Variants in LRFN2 observed in about 807,000 individuals in gnomAD.
LRFN2 encodes leucine rich repeat and fibronectin type III domain containing 2.
LRFN2 carries 18 observed loss-of-function variants against 37.3 expected under a neutral mutation model. The observed-to-expected ratio is 0.48, with a 90% CI of 0.33 to 0.72. LRFN2 has a LOEUF of 0.72. LRFN2 is among the 30% of genes least tolerant of loss of function. The pLI is 0.02. For synonymous variants in LRFN2, 556 were observed against 466.6 expected, an observed-to-expected ratio of 1.19 and a Z score of -2.47; for missense variants, 1,006 against 1,060.7, an observed-to-expected ratio of 0.95 and a Z score of 0.72.
At chr6:40,573,773 T>C (rs904411440) in intron 1 of LRFN2, among the ~76,000 whole-genome samples, 4 of 152,086 alleles carry the variant, frequency 2.6e-5, no homozygotes, top group Admixed American at 1.3e-4. Context: ...AGGTCATGAG[T>C]TCGAGACCAG....
chr6:40,455,227 T>TG (rs1428171496), intron 1 of LRFN2, among the ~76,000 whole-genome samples: 2 of 152,244 alleles, frequency 1.3e-5, no homozygotes, highest in Non-Finnish European at 2.9e-5. Flanking sequence ...TAGCTTTCTG[T>TG]CACTCCTCAA....
At chr6:40,563,083 C>T (rs1767029800) in intron 1 of LRFN2, among the ~76,000 whole-genome samples, 1 of 152,118 alleles carries the variant, frequency 6.6e-6, no homozygotes, top group Non-Finnish European at 1.5e-5. Context: ...TCAGCCTTAC[C>T]CATGTCTTCC....
At chr6:40,493,660 G>A (rs1187633466) in intron 1 of LRFN2, among the ~76,000 whole-genome samples, 1 of 152,178 alleles carries the variant, frequency 6.6e-6, no homozygotes, top group African/African-American at 2.4e-5. Flanking sequence ...CCATCTCTTG[G>A]AGTCTGGTTT....
At chr6:40,425,312 G>A (rs527461756) in intron 2 of LRFN2, among the ~76,000 whole-genome samples, 8 of 152,294 alleles carry the variant, frequency 5.3e-5, no homozygotes, top group South Asian at 4.1e-4. Flanking sequence ...GCTGCATCCC[G>A]GCTGACTGCC....
intron 1 of LRFN2, among the ~76,000 whole-genome samples, chr6:40,543,628 T>A (rs1267393660): frequency 6.6e-6 from 1 of 152,226 alleles, no homozygotes; most frequent in Non-Finnish European, 1.5e-5. Flanking sequence ...AGCTAGAATG[T>A]GGCTGTTTTC....
At chr6:40,542,162 T>C (rs745938636) in intron 1 of LRFN2, among the ~76,000 whole-genome samples, 2 of 152,178 alleles carry the variant, frequency 1.3e-5, no homozygotes, top group Non-Finnish European at 2.9e-5. Context: ...GGATGCTTGC[T>C]CCAGGTGTAC....
intron 1 of LRFN2, among the ~76,000 whole-genome samples, chr6:40,444,704 G>A (rs1296639269): frequency 6.6e-6 from 1 of 152,072 alleles, no homozygotes; most frequent in African/African-American, 2.4e-5. Context: ...AAGCTGGGTG[G>A]GGGTCATCAA....
chr6:40,459,609 C>T (rs1764304714), intron 1 of LRFN2, among the ~76,000 whole-genome samples: 1 of 152,188 alleles, frequency 6.6e-6, no homozygotes, highest in African/African-American at 2.4e-5. Flanking sequence ...GGGCCCAGAA[C>T]AAATGCTATC....
At chr6:40,508,213 C>T (rs955605993) in intron 1 of LRFN2, among the ~76,000 whole-genome samples, 4 of 152,234 alleles carry the variant, frequency 2.6e-5, no homozygotes, top group South Asian at 2.1e-4. Flanking sequence ...TACCACTCTA[C>T]AAATTTTAAT....
chr6:40,455,555 A>G (rs1209927622), intron 1 of LRFN2, among the ~76,000 whole-genome samples: 2 of 152,190 alleles, frequency 1.3e-5, no homozygotes, highest in Non-Finnish European at 2.9e-5. Context: ...AAAGTATTAC[A>G]TATTCCCCCC....
chr6:40,431,872 G>A lies in LRFN2; in HGVS notation c.1242C>T (p.Gly414=), dbSNP rs372292437. 3.7e-5 allele frequency: 60 copies of A among 1,601,588 alleles called. No homozygotes were observed. The highest frequency in any genetic ancestry group is 3.3e-4 in the Middle Eastern group (2 of 5,980). ...KTSRGGGGSG[G]GEPPKSPPER... is the part of the protein sequence containing the mutation. ...CCGGGGGGCTTTTGGGAGGCTCTCC[G>A]CCCCCACTGCCTCCACCTCCCCGGC... Residue 414 remains glycine, a synonymous_variant, in exon 2 of 3, where the codon GGC becomes GGT. Transcript: ENST00000338305.
Position 40,432,860 on chromosome 6 carries a change from C to T in LRFN2, c.254G>A (p.Arg85Lys). 6.2e-7 allele frequency: 1 copy of T among 1,614,226 alleles called. No individual in the cohort carries two copies. Among genetic ancestry groups the T allele is most frequent in the Non-Finnish European group, 8.5e-7 (1 of 1,180,046 alleles). Residue 85 changes from arginine to lysine, a missense_variant, in exon 2 of 3, where the codon AGG (arginine) becomes AAG (lysine). Around this residue, in one of 4 missense-constraint regions of LRFN2, gnomAD observed 185 missense variants for 254.9 expected, o/e 0.73. Transcript: ENST00000338305. ...GGGCTGGATGTGGCTGATGGTGTTCCTGGACAGGGTCAGGTCCACCAGCCC... is the reference window on the plus strand; with the variant it reads ...GGGCTGGATGTGGCTGATGGTGTTCTTGGACAGGGTCAGGTCCACCAGCCC... Reference protein sequence around the residue: ...MTGLVDLTLSRNTISHIQPFS... With the variant: ...MTGLVDLTLSKNTISHIQPFS...
chr6:40,558,583 G>A (rs75432480), intron 1 of LRFN2, among the ~76,000 whole-genome samples: 2,304 of 152,286 alleles, frequency 0.015, 56 homozygotes, highest in African/African-American at 0.052. Flanking sequence ...TCCTCAGTTA[G>A]GTGGAGAAGA....
At chr6:40,455,345 C>T (rs1387025844) in intron 1 of LRFN2, among the ~76,000 whole-genome samples, 2 of 152,192 alleles carry the variant, frequency 1.3e-5, no homozygotes, top group Non-Finnish European at 2.9e-5. Flanking sequence ...TGCTCCACCT[C>T]GGTTGTCACC....
intron 1 of LRFN2, among the ~76,000 whole-genome samples, chr6:40,568,249 T>G (rs1272691507): frequency 6.6e-6 from 1 of 152,182 alleles, no homozygotes; most frequent in Non-Finnish European, 1.5e-5. Flanking sequence ...CCTCCCACAA[T>G]GCAGTTAAGA....
At chr6:40,577,773 TA>T (rs766110810) in intron 1 of LRFN2, among the ~76,000 whole-genome samples, 7,474 of 90,994 alleles carry the variant, frequency 0.082, 299 homozygotes, top group African/African-American at 0.15. Context: ...TAAAGTATAA[TA>T]AAAAAAAAAG....
chr6:40,493,510 C>T (rs941365584), intron 1 of LRFN2, among the ~76,000 whole-genome samples: 2 of 152,186 alleles, frequency 1.3e-5, no homozygotes, highest in Non-Finnish European at 2.9e-5. Flanking sequence ...AACCTACTGG[C>T]CTGGACATGC....
chr6:40,417,604 T>C (rs1763122523), intron 2 of LRFN2, among the ~76,000 whole-genome samples: 1 of 152,108 alleles, frequency 6.6e-6, no homozygotes, highest in Admixed American at 6.5e-5. Flanking sequence ...AGGAGCTGGG[T>C]CAGTGATGGC....
At chr6:40,528,610 C>G (rs1468552640) in intron 1 of LRFN2, among the ~76,000 whole-genome samples, 2 of 152,146 alleles carry the variant, frequency 1.3e-5, no homozygotes, top group African/African-American at 4.8e-5. Flanking sequence ...TTTTTGACTT[C>G]CGATGAGGTT....
Sources: gnomAD v4.1 joint callset for allele counts (sites outside exome capture counted in the v4.1 genomes callset) on GRCh38, gnomAD v4.1.1 for gene constraint, gnomAD v4.1.1 regional missense constraint, MANE v1.5 for transcripts, NCBI Gene and HGNC (gene_info 2026-07-23, HGNC 2026-07-21) for gene names.